Variants in TSHZ2 observed in about 807,000 individuals in gnomAD.
TSHZ2 encodes the protein teashirt homolog 2.
In TSHZ2, 21 loss-of-function variants were observed where a neutral mutation model predicts 74.4. The ratio of observed to expected loss-of-function variants is 0.28; its 90% CI spans 0.20 to 0.41. The LOEUF is 0.41. TSHZ2 is among the 10% of genes least tolerant of loss of function. The pLI, the probability that TSHZ2 is intolerant of heterozygous loss-of-function variation, is 1.00. For missense variants in TSHZ2, 1,244 were observed against 1,293.5 expected, an observed-to-expected ratio of 0.96 and a Z score of 0.59; for synonymous variants, 540 against 515.3, an observed-to-expected ratio of 1.05 and a Z score of -0.65.
chr20:53,118,672 A>T (rs1986732346), intron 1 of TSHZ2, among the ~76,000 whole-genome samples: 1 of 152,104 alleles, frequency 6.6e-6, no homozygotes, highest in African/African-American at 2.4e-5. Context: ...GGTGACTGCT[A>T]GCAGCCTCTG....
chr20:53,455,689 A>G (rs994096793), intron 2 of TSHZ2, among the ~76,000 whole-genome samples: 21 of 149,712 alleles, frequency 1.4e-4, no homozygotes, highest in Admixed American at 1.3e-3. Context: ...CATTAGGTAT[A>G]TCTCCCAATG....
intron 1 of TSHZ2, among the ~76,000 whole-genome samples, chr20:53,194,540 G>GTAA (rs1988813849): frequency 6.6e-6 from 1 of 152,202 alleles, no homozygotes; most frequent in South Asian, 2.1e-4. Context: ...GCTCCACATT[G>GTAA]TAAATCATAC....
chr20:53,134,969 AACACAC>A (rs34194089), intron 1 of TSHZ2, among the ~76,000 whole-genome samples: 15,054 of 143,182 alleles, frequency 0.11, 819 homozygotes, highest in East Asian at 0.17. Flanking sequence ...CTGACAAAGA[AACACAC>A]ACACACACAC....
At chr20:53,071,262 G>A (rs112788091) in intron 1 of TSHZ2, among the ~76,000 whole-genome samples, 6 of 152,302 alleles carry the variant, frequency 3.9e-5, no homozygotes, top group African/African-American at 1.2e-4. Flanking sequence ...AGTATACAGA[G>A]ACGGGAGCAT....
chr20:53,418,308 G>A (rs952026668), intron 2 of TSHZ2, among the ~76,000 whole-genome samples: 1 of 152,144 alleles, frequency 6.6e-6, no homozygotes, highest in Non-Finnish European at 1.5e-5. Context: ...TGGATTCTCT[G>A]AGCAGCTTCA....
intron 2 of TSHZ2, among the ~76,000 whole-genome samples, chr20:53,298,832 A>G (rs1417697403): frequency 6.6e-6 from 1 of 152,204 alleles, no homozygotes; most frequent in Non-Finnish European, 1.5e-5. Context: ...TCCTTAAAAG[A>G]GATTGGTCAC....
chr20:53,370,956 C>G (rs1356238189), intron 2 of TSHZ2, among the ~76,000 whole-genome samples: 4 of 152,212 alleles, frequency 2.6e-5, no homozygotes, highest in Admixed American at 2.0e-4. Context: ...CAAGGCCACA[C>G]TCCCTCTGAA....
chr20:53,305,113 T>C (rs1334771250), intron 2 of TSHZ2, among the ~76,000 whole-genome samples: 5 of 150,770 alleles, frequency 3.3e-5, no homozygotes, highest in African/African-American at 1.2e-4. Context: ...TTTTTTTTTG[T>C]ATTTTTAGTA....
intron 2 of TSHZ2, among the ~76,000 whole-genome samples, chr20:53,266,920 G>A (rs1045289801): frequency 6.6e-6 from 1 of 151,890 alleles, no homozygotes; most frequent in African/African-American, 2.4e-5. Flanking sequence ...TGAGCTTACG[G>A]GTGCCACCAC....
intron 2 of TSHZ2, among the ~76,000 whole-genome samples, chr20:53,299,250 G>A (rs1473833440): frequency 6.6e-6 from 1 of 152,148 alleles, no homozygotes; most frequent in Non-Finnish European, 1.5e-5. Flanking sequence ...AAGAATTGAG[G>A]CAACTAATTG....
rs140217960 is a variant in TSHZ2, at chr20:53,170,535, G to A, written c.41-82964G>A. 1.4e-4 allele frequency among the ~76,000 whole-genome samples: 21 copies of A among 152,164 alleles called. No individual in the cohort carries two copies. The East Asian group carries it at 1.5e-3, about 11-fold the overall frequency. Reference sequence around the variant, plus strand: ...TGCTATGATGGTGGTGGCGGGGGCCGGGGAGGCTGTCCTGGGCACTGTACA... The same window carrying A: ...TGCTATGATGGTGGTGGCGGGGGCCAGGGAGGCTGTCCTGGGCACTGTACA... On this transcript the variant is annotated intron_variant, in intron 1 of 2. Transcript: ENST00000371497.
At chr20:53,230,716 C>T (rs934678850) in intron 1 of TSHZ2, among the ~76,000 whole-genome samples, 55 of 152,088 alleles carry the variant, frequency 3.6e-4, no homozygotes, top group African/African-American at 1.2e-3. Flanking sequence ...CATAGTGAAC[C>T]CTCGTCTTTA....
rs752955524 is a variant in TSHZ2 at position 53,256,243 on chromosome 20, A to G, written c.2785A>G (p.Ser929Gly). Reference protein sequence around the residue: ...MDKGHPIFYCSDCASQFRTPS... With the variant: ...MDKGHPIFYCGDCASQFRTPS... The stretch of plus-strand genomic sequence containing the variant: ...CAAAGGCCACCCCATCTTTTATTGC[A>G]GTGACTGTGCCTCCCAGTTCAGAAC... Residue 929 changes from serine to glycine, a missense_variant, in exon 2 of 3, where the codon AGT becomes GGT. Ser to Gly is a moderately conservative substitution (Grantham distance 56). Around this residue, in one of 6 missense-constraint regions of TSHZ2, gnomAD observed 185 missense variants for 213.3 expected, o/e 0.87. Transcript: ENST00000371497. The surrounding 1 kb of genome is among the most constrained non-coding windows in gnomAD (Gnocchi z 4.3). The G allele has an allele frequency of 1.2e-6, 2 of 1,613,886 alleles. No individual in the cohort carries two copies. The highest frequency in any genetic ancestry group is 2.7e-5 in the African/African-American group (2 of 74,916).
In TSHZ2 at chr20:53,351,136, C is replaced by A. The variant is rs193101485; in HGVS notation, c.*8+94565C>A. On this transcript the variant is annotated intron_variant, in intron 2 of 2. Transcript: ENST00000371497. ...ATTTGCATTTGATCACCAAATTGGA[C>A]GAGACTAACTTTCATCCGCATCTGA... 2.6e-5 allele frequency among the ~76,000 whole-genome samples: 4 copies of A among 152,300 alleles called. No homozygotes were observed. The East Asian group carries it at 7.7e-4, about 29-fold the overall frequency.
chr20:53,313,195 A>G (rs1978862883), intron 2 of TSHZ2, among the ~76,000 whole-genome samples: 2 of 152,254 alleles, frequency 1.3e-5, no homozygotes, highest in South Asian at 4.1e-4. Context: ...TTGCAAATAC[A>G]GCAATGCCTC....
chr20:53,076,026 TC>T (rs1568747849), intron 1 of TSHZ2, among the ~76,000 whole-genome samples: 1 of 152,198 alleles, frequency 6.6e-6, no homozygotes, highest in Non-Finnish European at 1.5e-5. Context: ...CAGATGATCT[TC>T]AAGGTTCCTT....
At chr20:53,351,417 T>C (rs772143156) in intron 2 of TSHZ2, among the ~76,000 whole-genome samples, 10 of 152,190 alleles carry the variant, frequency 6.6e-5, no homozygotes, top group Non-Finnish European at 1.2e-4. Context: ...GAGAAAAATA[T>C]GAAGAAAATA....
chr20:53,070,458 A>C (rs1254367198), intron 1 of TSHZ2, among the ~76,000 whole-genome samples: 2 of 152,212 alleles, frequency 1.3e-5, no homozygotes, highest in Non-Finnish European at 2.9e-5. Flanking sequence ...CTGTGAAGCA[A>C]TCTCTTTCGG....
rs561223196 is a variant in TSHZ2, at chr20:53,441,793, G to A, written c.*9-45351G>A. Reference sequence around the variant, plus strand: ...GGCAGGGTTTTGCCATGTTGGCCAGGCTAGTCTTGAACTCCTGACCTCAAA... The same window carrying A: ...GGCAGGGTTTTGCCATGTTGGCCAGACTAGTCTTGAACTCCTGACCTCAAA... On this transcript the variant is annotated intron_variant, in intron 2 of 2. Coordinates refer to ENST00000371497, the MANE Select transcript of TSHZ2 (RefSeq NM_173485.6). 2.6e-5 allele frequency among the ~76,000 whole-genome samples: 4 copies of A among 151,178 alleles called. No homozygotes were observed. The South Asian group carries it at 8.4e-4, about 32-fold the overall frequency.
Sources: allele counts gnomAD v4.1 joint callset (sites outside exome capture counted in the v4.1 genomes callset), GRCh38; gene constraint gnomAD v4.1.1; regional missense constraint gnomAD v4.1.1; non-coding constraint Gnocchi (gnomAD v3.1); transcripts MANE v1.5; gene names NCBI Gene and HGNC (gene_info 2026-07-23, HGNC 2026-07-21).